Variants in KIF1B observed in about 807,000 individuals in gnomAD.
KIF1B encodes the protein kinesin-like protein KIF1B.
A neutral mutation model predicts 241.9 loss-of-function variants in KIF1B; 76 were observed. The ratio of observed to expected loss-of-function variants is 0.31; its 90% confidence interval spans 0.26 to 0.38. The LOEUF is 0.38. Ranked by LOEUF, KIF1B falls within the 10% of genes least tolerant of loss-of-function variation. The probability of loss-of-function intolerance (pLI) is 1.00; values close to 1 mark genes in which losing one functional copy is unlikely to be tolerated. For missense variants in KIF1B, 1,622 were observed against 2,271.4 expected (o/e 0.71, Z 5.81); for synonymous variants, 750 against 796.7 (o/e 0.94, Z 0.99).
chr1:10,304,164 C>A, intron 22 of KIF1B: 1 of 1,613,798 alleles, frequency 6.2e-7, no homozygotes, highest in East Asian at 2.2e-5. Context: ...TTCCAAAAGA[C>A]GATGAAGCAA....
At chr1:10,237,973 C>T (rs1477169681) in intron 2 of KIF1B, among the ~76,000 whole-genome samples, 2 of 151,858 alleles carry the variant, frequency 1.3e-5, no homozygotes, top group African/African-American at 4.8e-5. Flanking sequence ...CACGCCACTG[C>T]GCTCTAGCCT....
intron 4 of KIF1B, among the ~76,000 whole-genome samples, chr1:10,261,008 C>A (rs1015466285): frequency 6.6e-6 from 1 of 151,502 alleles, no homozygotes; most frequent in Admixed American, 6.6e-5. Context: ...GCTTTGTCAC[C>A]CAGGCTGGAG....
chr1:10,231,378 C>CTTTTTTTTTTTTTTTTTTTTT (rs35213507), intron 1 of KIF1B, among the ~76,000 whole-genome samples: 3 of 85,716 alleles, frequency 3.5e-5, no homozygotes, highest in Admixed American at 1.5e-4. Flanking sequence ...GTTCAGTGCC[C>CTTTTTTTTTTTTTTTTTTTTT]TTTTTTTTTT....
intron 27 of KIF1B, among the ~76,000 whole-genome samples, chr1:10,332,398 T>A (rs991451231): frequency 6.6e-6 from 1 of 151,468 alleles, no homozygotes; most frequent in African/African-American, 2.4e-5. Flanking sequence ...ATTCAGAGTC[T>A]CCTCTAATCT....
chr1:10,352,405 T>C (rs1301214590), intron 37 of KIF1B, among the ~76,000 whole-genome samples: 3 of 152,042 alleles, frequency 2.0e-5, no homozygotes, highest in African/African-American at 7.2e-5. Context: ...TGAATAAAAG[T>C]TGGGATGAAT....
chr1:10,295,726 G>A lies in KIF1B; in HGVS notation c.1737G>A (p.Glu579=), dbSNP rs747880909. Residue 579 remains glutamate, a synonymous_variant, in exon 19 of 49, where the codon GAG becomes GAA. Transcript: ENST00000676179. ...IVLSGAHIKE[E]HCIFRSERSN... ...TGAGCGGGGCTCACATTAAAGAAGA[G>A]CATTGTATCTTCCGGAGTGAGAGAA... 6.2e-6 allele frequency: 10 copies of A among 1,613,878 alleles called. No individual in the cohort carries two copies. Among genetic ancestry groups the A allele is most frequent in the Non-Finnish European group, 7.6e-6 (9 of 1,179,932 alleles).
intron 1 of KIF1B, chr1:10,211,536 AGTT>A (rs1646693560): frequency 6.6e-6 from 1 of 152,256 alleles, no homozygotes; most frequent in East Asian, 1.9e-4. Flanking sequence ...AGCCAAGTCC[AGTT>A]GTTGGAAGGC....
At position 10,230,122 on chromosome 1, in the gene KIF1B, C is replaced by A. The variant is rs144567090; in HGVS notation, c.-79-2128C>A. ...CCCAGGAGTTCAAGGTTACAGTGAG[C>A]TATGATTGTGCCACTGTACAGTAGC... On this transcript the variant is annotated intron_variant, in intron 1 of 48. Transcript: ENST00000676179. Among the ~76,000 whole-genome samples, 589 of 152,176 alleles carry A rather than the reference C, an allele frequency of 3.9e-3. 1 individual carries two copies. Among genetic ancestry groups the A allele is most frequent in the Middle Eastern group, 0.01 (3 of 294 alleles).
chr1:10,212,884 GTGTGTGTATATATATA>G (rs1646711782), intron 1 of KIF1B, among the ~76,000 whole-genome samples: 5 of 72,310 alleles, frequency 6.9e-5, no homozygotes, highest in African/African-American at 2.2e-4. Context: ...GTGTGCATGC[GTGTGTGTATATATATA>G]TATATATATA....
intron 15 of KIF1B, among the ~76,000 whole-genome samples, chr1:10,287,178 A>G (rs2102240785): frequency 6.6e-6 from 1 of 152,334 alleles, no homozygotes; most frequent in African/African-American, 2.4e-5. Flanking sequence ...AAGAACAGTG[A>G]GTCAGCAAAT....
chr1:10,248,269 G>T (rs1007398726), intron 2 of KIF1B, among the ~76,000 whole-genome samples: 1 of 151,756 alleles, frequency 6.6e-6, no homozygotes, highest in Non-Finnish European at 1.5e-5. Context: ...GTGCAGTAAC[G>T]GCTCACTGTA....
chr1:10,223,291 C>A (rs192533527), intron 1 of KIF1B, among the ~76,000 whole-genome samples: 7 of 152,110 alleles, frequency 4.6e-5, no homozygotes, highest in Non-Finnish European at 7.4e-5. Context: ...ACAAAAAGCA[C>A]CTCTGTAAAA....
chr1:10,235,904 G>GAAAGCA (rs1178017751), intron 2 of KIF1B, among the ~76,000 whole-genome samples: 1 of 145,980 alleles, frequency 6.9e-6, no homozygotes, highest in African/African-American at 2.5e-5. Flanking sequence ...GAGTTTGGCA[G>GAAAGCA]AAAGCAAATA....
intron 22 of KIF1B, among the ~76,000 whole-genome samples, chr1:10,299,964 C>T (rs1044026370): frequency 7.2e-5 from 11 of 152,064 alleles, no homozygotes; most frequent in Non-Finnish European, 1.0e-4. Context: ...TGGCCAGGCG[C>T]GGTGGCTCAC....
In KIF1B at chr1:10,268,280, C is replaced by A. The variant is rs1339458; in HGVS notation, c.720+17C>A. The A allele has an allele frequency of 1.3e-5, 20 of 1,495,788 alleles. No individual in the cohort carries two copies. In the South Asian group the frequency reaches 2.1e-4, roughly 16 times the overall value. 92.7% of individuals were successfully genotyped at this position (1,495,788 alleles called of 1,614,324 possible). On this transcript the variant is annotated intron_variant, in intron 7 of 48. Coordinates refer to ENST00000676179, the MANE Select transcript of KIF1B (RefSeq NM_001365951.3). ...ACTGAGAAGGTAGGAGAGTTTCAGT[C>A]TCTAGGCTTGAGTTGTGAAGGATGG...
intron 26 of KIF1B, among the ~76,000 whole-genome samples, chr1:10,325,496 T>C (rs1407210770): frequency 6.6e-6 from 1 of 152,212 alleles, no homozygotes; most frequent in East Asian, 1.9e-4. Flanking sequence ...AGAATTTGAA[T>C]TGCTTTTTCA....
intron 4 of KIF1B, among the ~76,000 whole-genome samples, chr1:10,261,691 A>G (rs957087854): frequency 6.6e-5 from 10 of 152,246 alleles, no homozygotes; most frequent in Non-Finnish European, 1.3e-4. Flanking sequence ...TATGGGGATC[A>G]CTATCATATA....
At chr1:10,284,392 A>G (rs183247375) in intron 15 of KIF1B, among the ~76,000 whole-genome samples, 27 of 152,306 alleles carry the variant, frequency 1.8e-4, no homozygotes, top group Admixed American at 1.7e-3. Context: ...TACTAAAAAT[A>G]CAAAAAAATT....
At chr1:10,291,586 C>T (rs1344579524) in intron 16 of KIF1B, among the ~76,000 whole-genome samples, 1 of 151,912 alleles carries the variant, frequency 6.6e-6, no homozygotes, top group Non-Finnish European at 1.5e-5. Flanking sequence ...GTGGTGGGCA[C>T]CTGTAGTCCC....
Sources: gnomAD v4.1 joint callset for allele counts (sites outside exome capture counted in the v4.1 genomes callset) on GRCh38, gnomAD v4.1.1 for gene constraint, MANE v1.5 for transcripts, NCBI Gene and HGNC (gene_info 2026-07-23, HGNC 2026-07-21) for gene names.